Variants in ASH1L observed in about 807,000 individuals in gnomAD.
The protein encoded by ASH1L is histone-lysine N-methyltransferase ASH1L.
Under a neutral mutation model 269.0 loss-of-function variants are expected in ASH1L, and 23 were observed. That is an observed-to-expected ratio of 0.09 (90% CI 0.06 to 0.12). The LOEUF (loss-of-function observed/expected upper bound fraction) is 0.12, where lower values mean the gene tolerates loss of function less well. ASH1L is among the 10% of genes least tolerant of loss of function. The pLI is 1.00. For synonymous variants in ASH1L, 1,187 were observed against 1,253.5 expected (o/e 0.95, Z 1.12); for missense variants, 2,912 against 3,567.8 (o/e 0.82, Z 4.68).
rs1665811451 is a variant in ASH1L at position 155,479,591 on chromosome 1, C to T, written c.3279G>A (p.Leu1093=). Residue 1093 remains leucine (L), a synonymous_variant, in exon 3 of 28, where the codon CTG becomes CTA. Coordinates refer to ENST00000392403, the MANE Select transcript of ASH1L (RefSeq NM_018489.3). ...TCTCAGAACTACTAGCAGATGAAGG[C>T]AGTAATGGGGGAAGAATCTGTCCTA... is the stretch of plus-strand genomic sequence containing the variant. ...SALGQILPPL[L]PSSASSSEIL... is the part of the protein sequence containing the mutation. The T allele has an allele frequency of 1.2e-6, 2 of 1,614,066 alleles. No homozygotes were observed. The highest frequency in any genetic ancestry group is 1.7e-6 in the Non-Finnish European group (2 of 1,180,026).
At chr1:155,446,789 T>A (rs1215306786) in intron 4 of ASH1L, among the ~76,000 whole-genome samples, 1 of 149,598 alleles carries the variant, frequency 6.7e-6, no homozygotes, top group Admixed American at 6.6e-5. Context: ...GCCCGGCTAA[T>A]TTTTTTTGTA....
rs759067596 is a variant in ASH1L, at chr1:155,562,363, G to A, written c.-310C>T. The A allele has an allele frequency of 1.3e-6, 2 of 1,524,422 alleles. No individual in the cohort carries two copies. The highest frequency in any genetic ancestry group is 1.4e-5 in the African/African-American group (1 of 72,944). The allele number at this position is 1,524,422 out of a possible 1,614,324, so 94.4% of individuals were successfully genotyped here. A position where few individuals can be genotyped will look rare whatever the true frequency, so the allele number is the denominator to read the frequency against. On this transcript the variant is annotated 5_prime_UTR_variant, in exon 1 of 28. Coordinates refer to ENST00000392403, the MANE Select transcript of ASH1L (RefSeq NM_018489.3). ...AAAGGGGGCAAACTGAGGGGAGGCG[G>A]GTCCCGCAACCGAGACTGGGATCGT...
intron 10 of ASH1L, among the ~76,000 whole-genome samples, chr1:155,374,876 C>T (rs1430162346): frequency 1.3e-5 from 2 of 152,068 alleles, no homozygotes; most frequent in African/African-American, 2.4e-5. Flanking sequence ...AGTACAGTGG[C>T]GTGATCACAG....
intron 1 of ASH1L, among the ~76,000 whole-genome samples, chr1:155,552,145 T>C (rs1010076420): frequency 1.4e-4 from 22 of 151,956 alleles, no homozygotes; most frequent in Non-Finnish European, 2.9e-4. Context: ...GTACCTAGAA[T>C]AGTGCCTGGC....
intron 1 of ASH1L, among the ~76,000 whole-genome samples, chr1:155,554,439 A>G (rs1671443094): frequency 6.6e-6 from 1 of 151,430 alleles, no homozygotes. Flanking sequence ...CACAGGGCTA[A>G]TTTTGTATTT....
chr1:155,520,603 C>T (rs1668819077), intron 2 of ASH1L, among the ~76,000 whole-genome samples: 1 of 151,988 alleles, frequency 6.6e-6, no homozygotes, highest in South Asian at 2.1e-4. Context: ...TGGCTCATGC[C>T]TGTAATCCCA....
intron 1 of ASH1L, among the ~76,000 whole-genome samples, chr1:155,524,332 T>C (rs1248300289): frequency 6.6e-6 from 1 of 151,174 alleles, no homozygotes; most frequent in Non-Finnish European, 1.5e-5. Flanking sequence ...CCATCCTAGC[T>C]AACTCGGTGA....
chr1:155,465,374 T>C (rs147006020), intron 3 of ASH1L, among the ~76,000 whole-genome samples: 3 of 151,408 alleles, frequency 2.0e-5, no homozygotes, highest in Non-Finnish European at 2.9e-5. Flanking sequence ...AAGTTCACTA[T>C]TAAAGCTTTT....
chr1:155,546,596 G>A (rs1225776815), intron 1 of ASH1L, among the ~76,000 whole-genome samples: 1 of 151,548 alleles, frequency 6.6e-6, no homozygotes, highest in Non-Finnish European at 1.5e-5. Context: ...AGTCTCTACT[G>A]AAAATACAAA....
chr1:155,538,321 G>A (rs969674823), intron 1 of ASH1L, among the ~76,000 whole-genome samples: 3 of 150,746 alleles, frequency 2.0e-5, no homozygotes, highest in African/African-American at 7.3e-5. Flanking sequence ...GGGATTACAG[G>A]CATGAGCTAT....
At chr1:155,471,196 A>T (rs1665071887) in intron 3 of ASH1L, among the ~76,000 whole-genome samples, 1 of 152,230 alleles carries the variant, frequency 6.6e-6, no homozygotes, top group South Asian at 2.1e-4. Context: ...AACAATTAAC[A>T]AAAGAATTTA....
rs72704184 is a variant in ASH1L at position 155,500,731 on chromosome 1, G to C, written c.421-18282C>G. Among the ~76,000 whole-genome samples, 910 of 152,242 alleles carry C rather than the reference G, an allele frequency of 6.0e-3. 6 individuals are homozygous for C. The highest frequency in any genetic ancestry group is 7.5e-3 in the Non-Finnish European group (509 of 68,016). ...CACCTGTAATCCCAGAATTTTGGGA[G>C]GCCTAGGCGTGCAGATCACTTGAGG... On this transcript the variant is annotated intron_variant, in intron 2 of 27. Transcript: ENST00000392403.
intron 2 of ASH1L, among the ~76,000 whole-genome samples, chr1:155,516,199 G>A (rs1397477098): frequency 6.6e-6 from 1 of 151,934 alleles, no homozygotes; most frequent in Non-Finnish European, 1.5e-5. Context: ...TGGCCATTGG[G>A]AGTTTATAAT....
intron 1 of ASH1L, among the ~76,000 whole-genome samples, chr1:155,522,531 C>T (rs754314769): frequency 5.3e-5 from 8 of 152,016 alleles, no homozygotes; most frequent in Non-Finnish European, 1.0e-4. Flanking sequence ...TGTCAATTCC[C>T]CAAATACACA....
At chr1:155,441,172 T>A (rs1381845410) in intron 4 of ASH1L, among the ~76,000 whole-genome samples, 1 of 152,230 alleles carries the variant, frequency 6.6e-6, no homozygotes, top group Non-Finnish European at 1.5e-5. Flanking sequence ...GAAGTTTCCC[T>A]ATCAAGTTGT....
At chr1:155,477,858 A>G (rs1665675760) in intron 3 of ASH1L, 28 bp downstream of exon 3, 2 of 1,544,398 alleles carry the variant, frequency 1.3e-6, no homozygotes, top group Non-Finnish European at 8.7e-7. Context: ...TCTTTAACAA[A>G]TAACAGGTAA....
Position 155,362,192 on chromosome 1 carries a change from G to A in ASH1L, c.6687-1783C>T, listed in dbSNP as rs372497945. ...CTGGAATATAGGCACGTGCCACCAC[G>A]CCCAGCTACTTTTTCATATTTTTAG... is the stretch of plus-strand genomic sequence containing the variant. On this transcript the variant is annotated intron_variant, in intron 12 of 27. Coordinates refer to ENST00000392403, the MANE Select transcript of ASH1L (RefSeq NM_018489.3). 6.5e-4 allele frequency among the ~76,000 whole-genome samples: 99 copies of A among 151,690 alleles called. 1 individual carries two copies. The South Asian group carries it at 0.017, about 26-fold the overall frequency.
chr1:155,451,103 G>A (rs921123864), intron 4 of ASH1L, among the ~76,000 whole-genome samples: 4 of 151,252 alleles, frequency 2.6e-5, no homozygotes, highest in African/African-American at 2.4e-5. Context: ...AGGCTAAGGC[G>A]GGAGAATCAC....
At chr1:155,450,531 T>C (rs1663386075) in intron 4 of ASH1L, among the ~76,000 whole-genome samples, 1 of 152,224 alleles carries the variant, frequency 6.6e-6, no homozygotes. Flanking sequence ...ATTAAGTGTT[T>C]GGATTTTGTT....
Sources: gnomAD v4.1 joint callset for allele counts (sites outside exome capture counted in the v4.1 genomes callset) on GRCh38, gnomAD v4.1.1 for gene constraint, MANE v1.5 for transcripts, NCBI Gene and HGNC (gene_info 2026-07-23, HGNC 2026-07-21) for gene names.